CANX: variants seen among roughly 807,000 people sequenced by gnomAD.
CANX encodes the protein epididymis secretory sperm binding protein.
A neutral mutation model predicts 75.7 loss-of-function variants in CANX; 14 were observed. The observed-to-expected ratio is 0.19, with a 90% CI of 0.12 to 0.29. CANX has a LOEUF of 0.29. Among genes scored for constraint, CANX ranks in the 10% least tolerant of loss-of-function variants. CANX has a pLI of 1.00. For synonymous variants in CANX, 227 were observed against 236.9 expected (o/e 0.96, Z 0.38); for missense variants, 567 against 713.2 (o/e 0.79, Z 2.34).
At chr5:179,718,076 C>T (rs1296074189) in intron 8 of CANX, among the ~76,000 whole-genome samples, 1 of 152,154 alleles carries the variant, frequency 6.6e-6, no homozygotes, top group African/African-American at 2.4e-5. Flanking sequence ...ACGGTCACGG[C>T]TCACTGCAGC....
intron 8 of CANX, among the ~76,000 whole-genome samples, chr5:179,718,863 T>C (rs1468479018): frequency 1.3e-5 from 2 of 151,142 alleles, no homozygotes; most frequent in Admixed American, 6.6e-5. Flanking sequence ...CAGGGTGTCG[T>C]CATATTGGTC....
chr5:179,731,082 G>A lies in CANX; in HGVS notation c.*2438G>A, dbSNP rs1358262767. 6.6e-6 allele frequency among the ~76,000 whole-genome samples: 1 copy of A among 152,178 alleles called. No homozygotes were observed. Among genetic ancestry groups the A allele is most frequent in the Admixed American group, 6.5e-5 (1 of 15,284 alleles). On this transcript the variant is annotated 3_prime_UTR_variant, in exon 15 of 15. Transcript: ENST00000247461. ...GAAATAATGACTTTTATCTCACCAC[G>A]TGAGTTTGATGCAGTCTTTTCTGTC...
At chr5:179,699,963 A>C (rs1776623028) in intron 1 of CANX, among the ~76,000 whole-genome samples, 2 of 152,196 alleles carry the variant, frequency 1.3e-5, no homozygotes, top group South Asian at 4.1e-4. Flanking sequence ...TGGATATAAT[A>C]ATACCCGATG....
At chr5:179,679,185 G>A in intron 1 of CANX, 1 of 1,535,036 alleles carries the variant, frequency 6.5e-7, no homozygotes, top group South Asian at 1.2e-5. Context: ...GGGGAGCCTC[G>A]GGAGCGCTGG....
At chr5:179,698,430 C>A, upstream of CANX, 1 of 1,282,460 alleles carries the variant, frequency 7.8e-7, no homozygotes, top group Non-Finnish European at 1.0e-6. Flanking sequence ...GCACGCCAAT[C>A]CGGCCAGGCG....
At chr5:179,679,716 T>C (rs143661279) in intron 1 of CANX, among the ~76,000 whole-genome samples, 2,276 of 152,102 alleles carry the variant, frequency 0.015, 25 homozygotes, top group Non-Finnish European at 0.022. Context: ...TGGAGTGCAA[T>C]TGCGCGATCT....
At chr5:179,714,195 T>G (rs1777770174) in intron 7 of CANX, among the ~76,000 whole-genome samples, 1 of 152,132 alleles carries the variant, frequency 6.6e-6, no homozygotes, top group Non-Finnish European at 1.5e-5. Flanking sequence ...GAGTTGGGGT[T>G]TCACCATGTT....
In CANX at chr5:179,729,522, T is replaced by C. The variant is rs1428689393; in HGVS notation, c.*878T>C. 2 of 152,808 alleles carry C rather than the reference T, an allele frequency of 1.3e-5. No individual in the cohort carries two copies. Among genetic ancestry groups the C allele is most frequent in the African/African-American group, 4.8e-5 (2 of 41,460 alleles). The allele number at this position is 152,808 out of a possible 1,614,324, so 9.5% of individuals were successfully genotyped here. ...TCTTCCACTGTGTGTTGACACTGTT[T>C]TCCTTACCTATTTCCTCAGATCCCC... On this transcript the variant is annotated 3_prime_UTR_variant, in exon 15 of 15. Coordinates refer to ENST00000247461, the MANE Select transcript of CANX (RefSeq NM_001746.4).
chr5:179,717,391 C>T (rs1778030180), intron 8 of CANX, among the ~76,000 whole-genome samples: 1 of 152,198 alleles, frequency 6.6e-6, no homozygotes, highest in Non-Finnish European at 1.5e-5. Context: ...CCCCAACTCC[C>T]AGCAACCACT....
chr5:179,681,384 C>G (rs1381357125), intron 1 of CANX, among the ~76,000 whole-genome samples: 1 of 152,174 alleles, frequency 6.6e-6, no homozygotes, highest in Non-Finnish European at 1.5e-5. Context: ...GAAGCAGAGC[C>G]TAAGCTGAGC....
rs923142630 is a variant in CANX, at chr5:179,731,294, A to G, written c.*2650A>G. Among the ~76,000 whole-genome samples the G allele has an allele frequency of 1.3e-5, 2 of 152,220 alleles. No individual in the cohort carries two copies. The highest frequency in any genetic ancestry group is 2.4e-5 in the African/African-American group (1 of 41,462). On this transcript the variant is annotated 3_prime_UTR_variant, in exon 15 of 15. Transcript: ENST00000247461. ...AATTATTTGTTCAGAATCAGACTCC[A>G]TTATTTTACATATACTTAAATACTT...
chr5:179,692,445 C>T (rs1375992951), intron 1 of CANX, among the ~76,000 whole-genome samples: 1 of 152,122 alleles, frequency 6.6e-6, no homozygotes. Flanking sequence ...CAGTGGTTCA[C>T]ATCTGTAATC....
At position 179,699,004 on chromosome 5, in the gene CANX, C is replaced by T. The variant is rs1211892979; in HGVS notation, c.-102C>T. The T allele has an allele frequency of 1.8e-6, 2 of 1,118,418 alleles. No homozygotes were observed. The highest frequency in any genetic ancestry group is 1.7e-5 in the African/African-American group (1 of 57,910). 69.3% of individuals were successfully genotyped at this position (1,118,418 alleles called of 1,614,324 possible). A position where few individuals can be genotyped will look rare whatever the true frequency, so the allele number is the denominator to read the frequency against. On this transcript the variant is annotated 5_prime_UTR_variant, in exon 1 of 15. It adds an upstream start codon to the 5' untranslated region. Transcript: ENST00000247461. The stretch of plus-strand genomic sequence containing the variant: ...GGCCTCTTGGTTCTGCGGCACGTGA[C>T]GGTCGGGCCGCCTCCGCCTCTCTCT...
chr5:179,718,331 T>TCGTGCCTCACC (rs1778096976), intron 8 of CANX, among the ~76,000 whole-genome samples: 2 of 151,424 alleles, frequency 1.3e-5, no homozygotes, highest in South Asian at 4.2e-4. Context: ...CGTGCACCAC[T>TCGTGCCTCACC]GCACTCGTGC....
upstream of CANX, among the ~76,000 whole-genome samples, chr5:179,696,554 G>C (rs1776409530): frequency 6.6e-6 from 1 of 152,106 alleles, no homozygotes; most frequent in Admixed American, 6.6e-5. Flanking sequence ...GGCATTACAG[G>C]CGTGAGCCAC....
At chr5:179,723,870 T>C in intron 12 of CANX, 91 bp downstream of exon 12, 3 of 1,185,388 alleles carry the variant, frequency 2.5e-6, no homozygotes, top group South Asian at 1.5e-5. Flanking sequence ...AGGTTTTCTT[T>C]GTAGTGGCTC....
At position 179,728,780 on chromosome 5, in the gene CANX, C is replaced by CACT. The variant is rs1778829040; in HGVS notation, c.*138_*140dup. 1.4e-6 allele frequency: 1 copy of CACT among 715,668 alleles called. No individual in the cohort carries two copies. The highest frequency in any genetic ancestry group is 2.6e-6 in the Non-Finnish European group (1 of 384,126). The allele number at this position is 715,668 out of a possible 1,614,324, so 44.3% of individuals were successfully genotyped here. A position where few individuals can be genotyped will look rare whatever the true frequency, so the allele number is the denominator to read the frequency against. ...TCACCATCAGCAGGCTCCAGTTGAA[C>CACT]ACTAGTCTGTGTAACTTTAAACATC... On this transcript the variant is annotated 3_prime_UTR_variant, in exon 15 of 15. Transcript: ENST00000247461.
intron 10 of CANX, among the ~76,000 whole-genome samples, chr5:179,721,372 G>A (rs1237453511): frequency 6.6e-6 from 1 of 152,240 alleles, no homozygotes; most frequent in East Asian, 1.9e-4. Flanking sequence ...TTTCAGGCGG[G>A]AGCCACTGTG....
chr5:179,712,247 GT>G lies in CANX; in HGVS notation c.721+2187del, dbSNP rs748058063. Among the ~76,000 whole-genome samples the G allele has an allele frequency of 1.4e-3, 217 of 150,034 alleles. 1 individual carries two copies. The highest frequency in any genetic ancestry group is 3.5e-3 in the Middle Eastern group (1 of 288). On this transcript the variant is annotated intron_variant, in intron 7 of 14. Coordinates refer to ENST00000247461, the MANE Select transcript of CANX (RefSeq NM_001746.4). ...ATTATACATAAATCCAATAAAAATA[GT>G]TTTTCAGAAGTATCTTGTAGTTGAA...
Sources: allele counts gnomAD v4.1 joint callset (sites outside exome capture counted in the v4.1 genomes callset), GRCh38; gene constraint gnomAD v4.1.1; transcripts MANE v1.5; gene names NCBI Gene and HGNC (gene_info 2026-07-23, HGNC 2026-07-21).